The following USP32 variants were observed in gnomAD, a reference collection of about 807,000 sequenced individuals.
USP32 encodes ubiquitin carboxyl-terminal hydrolase 32.
In USP32, 59 loss-of-function variants were observed where a neutral mutation model predicts 204.8. The observed-to-expected ratio is 0.29, with a 90% CI of 0.23 to 0.36. USP32 has a LOEUF of 0.36. USP32 is among the 10% of genes least tolerant of loss of function. The pLI is 1.00. For synonymous variants in USP32, 517 were observed against 678.4 expected (o/e 0.76, Z 3.70); for missense variants, 1,160 against 1,946.4 (o/e 0.60, Z 7.60).
chr17:60,228,495 CTTTTTCTTTTT>C (rs1441706274), intron 12 of USP32, among the ~76,000 whole-genome samples: 3 of 135,792 alleles, frequency 2.2e-5, no homozygotes, highest in South Asian at 2.3e-4. Context: ...TTTCTTTTTT[CTTTTTCTTTTT>C]TTTTTTTTTT....
chr17:60,285,174 G>A (rs1303283138), intron 5 of USP32, among the ~76,000 whole-genome samples: 1 of 152,142 alleles, frequency 6.6e-6, no homozygotes, highest in Non-Finnish European at 1.5e-5. Flanking sequence ...ACAAGTAAAA[G>A]TGAAAGTTCA....
intron 17 of USP32, 22 bp downstream of exon 17, chr17:60,214,598 A>G (rs772216745): frequency 2.5e-6 from 4 of 1,611,240 alleles, no homozygotes; most frequent in Non-Finnish European, 3.4e-6. Context: ...CAGACTCTCT[A>G]TGACTCTGAG....
In USP32 at chr17:60,391,787, C is replaced by A. The variant is rs146483883; in HGVS notation, c.58+95G>T. ...TTTCCCTTCCGCCTCAGGCGCCCCA[C>A]GCCCTCAATCTCCCCTCTCCCTCCC... is the stretch of plus-strand genomic sequence containing the variant. On this transcript the variant is annotated intron_variant, in intron 1 of 33. Coordinates refer to ENST00000300896, the MANE Select transcript of USP32 (RefSeq NM_032582.4). 1.6e-3 allele frequency: 2,254 copies of A among 1,390,916 alleles called. 35 individuals are homozygous for A. In the African/African-American group the frequency reaches 0.028, roughly 17 times the overall value. 86.2% of individuals were successfully genotyped at this position (1,390,916 alleles called of 1,614,324 possible).
rs748591655 is a variant in USP32, at chr17:60,208,188, G to A, written c.2796C>T (p.Thr932=). ...TCAGTCTTAGTCCATACCGTACAGG[G>A]GTAGTACCATCTAACTTAATCACTA... ...EITVIKLDGT[T]PVRYGLRLNM... Residue 932 remains threonine, a synonymous_variant, in exon 24 of 34, where the codon ACC becomes ACT. Transcript: ENST00000300896. 9 of 1,564,382 alleles carry A rather than the reference G, an allele frequency of 5.8e-6. No individual in the cohort carries two copies. The highest frequency in any genetic ancestry group is 2.1e-5 in the Admixed American group (1 of 48,448).
At chr17:60,362,596 G>T (rs1443447733) in intron 1 of USP32, among the ~76,000 whole-genome samples, 1 of 152,142 alleles carries the variant, frequency 6.6e-6, no homozygotes, top group African/African-American at 2.4e-5. Flanking sequence ...AACATATCAT[G>T]GAGAGAATGT....
chr17:60,210,654 T>C (rs949624420), intron 21 of USP32, among the ~76,000 whole-genome samples: 6 of 145,776 alleles, frequency 4.1e-5, no homozygotes, highest in African/African-American at 1.5e-4. Flanking sequence ...ACGTTGAAAA[T>C]GGATTGGATT....
At chr17:60,211,642 T>C (rs2084970296) in intron 19 of USP32, 128 bp from the exon 20 acceptor site, 2 of 1,393,666 alleles carry the variant, frequency 1.4e-6, no homozygotes, top group South Asian at 1.6e-5. Flanking sequence ...AATAATTCTC[T>C]AGCAGGTCTC....
chr17:60,272,093 G>A (rs2086736890), intron 5 of USP32, among the ~76,000 whole-genome samples: 1 of 152,108 alleles, frequency 6.6e-6, no homozygotes, highest in African/African-American at 2.4e-5. Flanking sequence ...GGGATTATAG[G>A]TGTGAGCCAC....
At chr17:60,189,915 A>G (rs1226700723) in intron 29 of USP32, among the ~76,000 whole-genome samples, 1 of 152,182 alleles carries the variant, frequency 6.6e-6, no homozygotes, top group Non-Finnish European at 1.5e-5. Context: ...TCACTTATTA[A>G]TATTTTTGAA....
At chr17:60,211,910 C>T (rs1342751316) in intron 19 of USP32, 114 bp downstream of exon 19, 4 of 845,774 alleles carry the variant, frequency 4.7e-6, no homozygotes, top group African/African-American at 3.7e-5. Flanking sequence ...GAAGAAGGCC[C>T]TAATTACTTT....
chr17:60,219,170 T>C (rs1443924570), intron 16 of USP32, among the ~76,000 whole-genome samples: 3 of 151,166 alleles, frequency 2.0e-5, no homozygotes, highest in African/African-American at 4.9e-5. Flanking sequence ...GAGAAATGTA[T>C]CATGTTTTGC....
At position 60,269,436 on chromosome 17, in the gene USP32, T is replaced by A. The variant is rs1245676871; in HGVS notation, c.811+14A>T. On this transcript the variant is annotated intron_variant, in intron 7 of 33. Coordinates refer to ENST00000300896, the MANE Select transcript of USP32 (RefSeq NM_032582.4). ...CATAGTTTGCAATTTTTTGACAATG[T>A]TTAACACACTTACATTTTTGTCTTT... The A allele has an allele frequency of 1.2e-6, 2 of 1,602,954 alleles. No homozygotes were observed.
chr17:60,366,089 T>C (rs2089306927), intron 1 of USP32, among the ~76,000 whole-genome samples: 2 of 152,180 alleles, frequency 1.3e-5, no homozygotes, highest in African/African-American at 4.8e-5. Flanking sequence ...GAGATTCACC[T>C]GACTCAGCCT....
chr17:60,357,718 C>A (rs539995037), intron 1 of USP32, among the ~76,000 whole-genome samples: 3 of 151,962 alleles, frequency 2.0e-5, no homozygotes, highest in Admixed American at 2.0e-4. Flanking sequence ...CTGGAAAGGA[C>A]TGGATGACTC....
intron 14 of USP32, 57 bp downstream of exon 14, chr17:60,223,354 A>C: frequency 6.7e-7 from 1 of 1,502,100 alleles, no homozygotes. Flanking sequence ...CTCTGAAATG[A>C]AATTTATTAA....
At chr17:60,404,366 G>GT (rs924785030) in intron 1 of USP32, among the ~76,000 whole-genome samples, 4 of 151,556 alleles carry the variant, frequency 2.6e-5, no homozygotes, top group Non-Finnish European at 5.9e-5. Flanking sequence ...CAAATAAAAA[G>GT]TTTTTTTTTA....
intron 10 of USP32, 36 bp downstream of exon 10, chr17:60,255,139 A>G (rs1442979032): frequency 6.8e-7 from 1 of 1,475,626 alleles, no homozygotes; most frequent in Non-Finnish European, 9.4e-7. Context: ...TACTGGTACT[A>G]CTACCCTCTG....
intron 1 of USP32, 30 bp downstream of exon 1, chr17:60,391,852 G>A (rs773887194): frequency 1.9e-6 from 3 of 1,583,456 alleles, no homozygotes; most frequent in African/African-American, 1.4e-5. Context: ...GGGCCTCCCA[G>A]GCAGCTCGCC....
intron 4 of USP32, among the ~76,000 whole-genome samples, chr17:60,293,967 C>A (rs2087354417): frequency 6.6e-6 from 1 of 152,294 alleles, no homozygotes; most frequent in South Asian, 2.1e-4. Context: ...TAAAATAATT[C>A]TCTCTGTTAA....
Sources: gnomAD v4.1 joint callset for allele counts (sites outside exome capture counted in the v4.1 genomes callset) on GRCh38, gnomAD v4.1.1 for gene constraint, MANE v1.5 for transcripts, NCBI Gene and HGNC (gene_info 2026-07-23, HGNC 2026-07-21) for gene names.